Variants in CDH13 observed in about 807,000 individuals in gnomAD.
CDH13 encodes cadherin-13.
Under a neutral mutation model 63.8 loss-of-function variants are expected in CDH13, and 24 were observed. That is an observed-to-expected ratio of 0.38 (90% CI 0.27 to 0.53). CDH13 has a LOEUF of 0.53. Among genes scored for constraint, CDH13 ranks in the 20% least tolerant of loss-of-function variants. The probability of loss-of-function intolerance (pLI) is 0.85; values close to 1 mark genes in which losing one functional copy is unlikely to be tolerated. For missense variants in CDH13, 1,049 were observed against 903.1 expected, an observed-to-expected ratio of 1.16 and a Z score of -2.07; for synonymous variants, 503 against 355.3, an observed-to-expected ratio of 1.42 and a Z score of -4.67.
At chr16:82,774,491 C>G (rs1328459794) in intron 1 of CDH13, among the ~76,000 whole-genome samples, 1 of 152,118 alleles carries the variant, frequency 6.6e-6, no homozygotes, top group African/African-American at 2.4e-5. Context: ...TCAGGGTCTA[C>G]CACTGTGTAT....
chr16:83,589,677 C>A (rs1723826475), intron 7 of CDH13, among the ~76,000 whole-genome samples: 1 of 152,082 alleles, frequency 6.6e-6, no homozygotes, highest in Non-Finnish European at 1.5e-5. Flanking sequence ...GTGCTCGATA[C>A]ATGAACCTGA....
At chr16:82,909,250 A>ATGTGTGTG (rs945671440) in intron 2 of CDH13, among the ~76,000 whole-genome samples, 3 of 96,244 alleles carry the variant, frequency 3.1e-5, no homozygotes, top group African/African-American at 8.6e-5. Flanking sequence ...GACTGACTGT[A>ATGTGTGTG]TATGTGTGTG....
chr16:83,025,151 C>G (rs1399188380), intron 2 of CDH13, among the ~76,000 whole-genome samples: 1 of 152,206 alleles, frequency 6.6e-6, no homozygotes, highest in Non-Finnish European at 1.5e-5. Context: ...GCAACAAGCT[C>G]TGTCCTAAGT....
At chr16:82,800,687 C>G (rs1746800078) in intron 1 of CDH13, among the ~76,000 whole-genome samples, 1 of 152,134 alleles carries the variant, frequency 6.6e-6, no homozygotes, top group Admixed American at 6.5e-5. Context: ...TGTCCTTGGT[C>G]ATGCCATTCA....
At chr16:83,595,994 A>G (rs1220548450) in intron 7 of CDH13, among the ~76,000 whole-genome samples, 1 of 152,236 alleles carries the variant, frequency 6.6e-6, no homozygotes, top group African/African-American at 2.4e-5. Context: ...TCTTCCCGGC[A>G]GAGCAGCACC....
intron 8 of CDH13, among the ~76,000 whole-genome samples, chr16:83,628,196 A>G (rs555837798): frequency 6.6e-6 from 1 of 152,290 alleles, no homozygotes; most frequent in African/African-American, 2.4e-5. Flanking sequence ...AGTAAGTCTC[A>G]GCCTTATTTC....
At chr16:82,820,297 G>A (rs1198596082) in intron 1 of CDH13, among the ~76,000 whole-genome samples, 1 of 152,156 alleles carries the variant, frequency 6.6e-6, no homozygotes, top group African/African-American at 2.4e-5. Context: ...GTTTACGTTG[G>A]TACTCATAAA....
intron 5 of CDH13, among the ~76,000 whole-genome samples, chr16:83,296,284 A>G (rs190517704): frequency 1.5e-4 from 23 of 152,128 alleles, no homozygotes; most frequent in Non-Finnish European, 1.5e-5. Flanking sequence ...CATTTTACAG[A>G]TGAGAAAATT....
intron 3 of CDH13, among the ~76,000 whole-genome samples, chr16:83,037,153 C>T (rs1390571688): frequency 6.6e-6 from 1 of 152,176 alleles, no homozygotes; most frequent in Non-Finnish European, 1.5e-5. Context: ...ATAGCTACTA[C>T]TATTTTTTGA....
intron 10 of CDH13, chr16:83,735,176 C>T (rs902035726): frequency 2.0e-5 from 3 of 152,124 alleles, no homozygotes; most frequent in Admixed American, 2.0e-4. Context: ...TTACAACATC[C>T]CACGGCAGTA....
intron 1 of CDH13, among the ~76,000 whole-genome samples, chr16:82,669,808 G>A (rs1014834710): frequency 4.6e-5 from 7 of 152,186 alleles, no homozygotes; most frequent in Admixed American, 1.3e-4. Context: ...GGGTTGGTAG[G>A]CTTGTGAAGA....
intron 6 of CDH13, among the ~76,000 whole-genome samples, chr16:83,350,129 G>A (rs1442169230): frequency 1.3e-5 from 2 of 152,200 alleles, no homozygotes; most frequent in African/African-American, 4.8e-5. Context: ...GTGCGCAAGG[G>A]AAACCTGGGA....
At chr16:83,109,058 C>A (rs1250949699) in intron 3 of CDH13, among the ~76,000 whole-genome samples, 1 of 152,178 alleles carries the variant, frequency 6.6e-6, no homozygotes, top group Non-Finnish European at 1.5e-5. Flanking sequence ...GGGTCTGCTC[C>A]TGGGGAGCAC....
chr16:82,804,158 G>A (rs1404322812), intron 1 of CDH13, among the ~76,000 whole-genome samples: 1 of 119,070 alleles, frequency 8.4e-6, no homozygotes, highest in East Asian at 2.0e-4. Flanking sequence ...AACCCAGGAG[G>A]TGGAGGTTGC....
intron 5 of CDH13, among the ~76,000 whole-genome samples, chr16:83,284,107 A>G (rs1250288860): frequency 1.3e-5 from 2 of 152,206 alleles, no homozygotes; most frequent in African/African-American, 2.4e-5. Context: ...AGACAGCCTT[A>G]TTAACTAACT....
At chr16:83,442,140 A>G (rs751534143) in intron 6 of CDH13, among the ~76,000 whole-genome samples, 14 of 152,210 alleles carry the variant, frequency 9.2e-5, no homozygotes, top group African/African-American at 3.1e-4. Flanking sequence ...TGCTCCTCCA[A>G]TGCCACCTGC....
chr16:82,870,647 C>G (rs1452476904), intron 2 of CDH13, among the ~76,000 whole-genome samples: 6 of 151,718 alleles, frequency 4.0e-5, no homozygotes, highest in African/African-American at 1.5e-4. Context: ...TTGGAATGTC[C>G]CTAACACAAA....
intron 5 of CDH13, among the ~76,000 whole-genome samples, chr16:83,301,154 C>A (rs1343671917): frequency 6.6e-6 from 1 of 150,668 alleles, no homozygotes; most frequent in Non-Finnish European, 1.5e-5. Context: ...GCCTCAGCCT[C>A]CCAAGTAGCT....
intron 10 of CDH13, among the ~76,000 whole-genome samples, chr16:83,706,094 G>A (rs900660303): frequency 1.3e-5 from 2 of 152,160 alleles, no homozygotes; most frequent in African/African-American, 4.8e-5. Context: ...TGAGGCCTTA[G>A]CTGGAATCCC....
Sources: allele counts gnomAD v4.1 joint callset (sites outside exome capture counted in the v4.1 genomes callset), GRCh38; gene constraint gnomAD v4.1.1; transcripts MANE v1.5; gene names NCBI Gene and HGNC (gene_info 2026-07-23, HGNC 2026-07-21).